LRRTM4: variants seen among roughly 807,000 people sequenced by gnomAD.
LRRTM4 encodes leucine-rich repeat transmembrane neuronal protein 4.
A neutral mutation model predicts 47.6 loss-of-function variants in LRRTM4; 25 were observed. The ratio of observed to expected loss-of-function variants is 0.53; its 90% CI spans 0.38 to 0.73. The LOEUF is 0.73. LRRTM4 is among the 30% of genes least tolerant of loss of function. LRRTM4 has a pLI of 0.00. For missense variants in LRRTM4, 638 were observed against 713.4 expected (o/e 0.89, Z 1.20); for synonymous variants, 311 against 269.5 (o/e 1.15, Z -1.51).
rs528407993 is a variant in LRRTM4, at chr2:76,778,546, G to A, written c.1552-29630C>T. On this transcript the variant is annotated intron_variant, in intron 3 of 3. Coordinates refer to ENST00000409884, the MANE Select transcript of LRRTM4 (RefSeq NM_001134745.3). ...CTTGTAGATTTTCTAGTTTATTTGC[G>A]TAGAGGTGTTTGTAGTATTCTCTGA... 1.1e-4 allele frequency among the ~76,000 whole-genome samples: 17 copies of A among 151,202 alleles called. No individual in the cohort carries two copies. In the East Asian group the frequency reaches 1.4e-3, roughly 12 times the overall value.
intron 3 of LRRTM4, among the ~76,000 whole-genome samples, chr2:77,234,992 C>T (rs1019362280): frequency 3.9e-5 from 6 of 152,164 alleles, no homozygotes; most frequent in Non-Finnish European, 7.3e-5. Flanking sequence ...ATTTAGCTTT[C>T]CATTATTGCA....
At chr2:76,751,882 T>C (rs933242090) in intron 3 of LRRTM4, among the ~76,000 whole-genome samples, 8 of 152,166 alleles carry the variant, frequency 5.3e-5, no homozygotes, top group African/African-American at 1.9e-4. Flanking sequence ...TACTCTCTTG[T>C]TAACTGGTGA....
chr2:77,519,333 T>C lies in LRRTM4; in HGVS notation c.536A>G (p.Asp179Gly). 1 of 1,613,464 alleles carries C rather than the reference T, an allele frequency of 6.2e-7. No homozygotes were observed. Among genetic ancestry groups the C allele is most frequent in the Non-Finnish European group, 8.5e-7 (1 of 1,179,590 alleles). ...LKTVPIRVFQ[D>G]CRNLDFLDLG... Reference sequence around the variant, plus strand: ...ATCCAAAAAATCAAGATTCCGACAGTCTTGAAAAACTCTTATGGGCACAGT... The same window carrying C: ...ATCCAAAAAATCAAGATTCCGACAGCCTTGAAAAACTCTTATGGGCACAGT... The change falls in exon 3 of 4, where the codon GAC becomes GGC. Residue 179 changes from aspartate to glycine, a missense_variant. Transcript: ENST00000409884. The surrounding 1 kb of genome is among the most constrained non-coding windows in gnomAD (Gnocchi z 4.6).
chr2:76,812,776 C>CCCTCCTCATCTCCCTCCCCCCTT (rs1670780314), intron 3 of LRRTM4, among the ~76,000 whole-genome samples: 1 of 85,636 alleles, frequency 1.2e-5, no homozygotes. Flanking sequence ...CTCTCCCTCC[C>CCCTCCTCATCTCCCTCCCCCCTT]CCTCCTCCTC....
chr2:77,297,402 G>A (rs1677002719), intron 3 of LRRTM4, among the ~76,000 whole-genome samples: 1 of 152,106 alleles, frequency 6.6e-6, no homozygotes, highest in South Asian at 2.1e-4. Context: ...TAGTCACTAT[G>A]CTCTATTGTG....
chr2:77,048,351 T>C (rs1679303037), intron 3 of LRRTM4, among the ~76,000 whole-genome samples: 1 of 152,078 alleles, frequency 6.6e-6, no homozygotes, highest in South Asian at 2.1e-4. Context: ...GGTGTTATAA[T>C]GAAGTTTTAG....
chr2:77,519,207 T>G lies in LRRTM4; in HGVS notation c.662A>C (p.Asn221Thr), dbSNP rs1052910070. The G allele has an allele frequency of 6.2e-7, 1 of 1,613,322 alleles. No homozygotes were observed. Among genetic ancestry groups the G allele is most frequent in the East Asian group, 2.2e-5 (1 of 44,814 alleles). Residue 221 changes from asparagine (N) to threonine (T), a missense_variant, in exon 3 of 4, where the codon AAC becomes ACC. Transcript: ENST00000409884. This position sits in a 1 kb window ranked among gnomAD's most constrained non-coding sequence, Gnocchi z 4.6. ...HLEHNQFSKI[N>T]FAHFPRLFNL... ...GAAGAGACGTGGAAAATGAGCAAAG[T>G]TGATCTTGGAAAACTGGTTGTGCTC...
rs369038674 is a variant in LRRTM4, at chr2:76,748,903, A to C, written c.1565T>G (p.Met522Arg). 1 of 1,613,790 alleles carries C rather than the reference A, an allele frequency of 6.2e-7. No individual in the cohort carries two copies. Among genetic ancestry groups the C allele is most frequent in the South Asian group, 1.1e-5 (1 of 91,082 alleles). ...GSRECEMPHH[M>R]KPLPYYSYDQ... The stretch of plus-strand genomic sequence containing the variant: ...ATAGCTGTAATATGGCAAGGGCTTC[A>C]TGTGGTGTGGCATCTGGATATGAGA... Residue 522 changes from methionine to arginine, a missense_variant, in exon 4 of 4, where the codon ATG becomes AGG. Transcript: ENST00000409884.
chr2:77,220,568 C>A (rs986477152), intron 3 of LRRTM4, among the ~76,000 whole-genome samples: 3 of 152,130 alleles, frequency 2.0e-5, no homozygotes, highest in South Asian at 4.1e-4. Flanking sequence ...GCACAAGCCT[C>A]AGTAACCGAT....
At chr2:77,226,441 T>G (rs771590921) in intron 3 of LRRTM4, among the ~76,000 whole-genome samples, 1 of 151,426 alleles carries the variant, frequency 6.6e-6, no homozygotes, top group Non-Finnish European at 1.5e-5. Flanking sequence ...ATATCCCCAT[T>G]TAAAAAGCAT....
chr2:77,156,016 T>G (rs1014706397), intron 3 of LRRTM4, among the ~76,000 whole-genome samples: 3 of 152,092 alleles, frequency 2.0e-5, no homozygotes, highest in Non-Finnish European at 2.9e-5. Flanking sequence ...ATATGTACAA[T>G]TTAAATGTGT....
intron 3 of LRRTM4, among the ~76,000 whole-genome samples, chr2:77,279,883 AATAC>A (rs1676462572): frequency 6.6e-6 from 1 of 151,954 alleles, no homozygotes; most frequent in African/African-American, 2.4e-5. Flanking sequence ...GGAAAAAAAC[AATAC>A]TTGTCTTAGA....
chr2:77,225,264 A>T (rs549336467), intron 3 of LRRTM4, among the ~76,000 whole-genome samples: 1 of 151,322 alleles, frequency 6.6e-6, no homozygotes, highest in Non-Finnish European at 1.5e-5. Flanking sequence ...CCTAATGCTA[A>T]ATGATGAGTT....
chr2:77,516,372 A>G (rs1679208425), intron 3 of LRRTM4, among the ~76,000 whole-genome samples: 1 of 151,762 alleles, frequency 6.6e-6, no homozygotes, highest in Non-Finnish European at 1.5e-5. Flanking sequence ...AATCTGTGAA[A>G]TTTAAGATCT....
intron 3 of LRRTM4, among the ~76,000 whole-genome samples, chr2:77,474,040 C>A (rs1677286430): frequency 6.6e-6 from 1 of 151,992 alleles, no homozygotes; most frequent in Non-Finnish European, 1.5e-5. Context: ...GGTTATTACA[C>A]TAAAACAGAA....
chr2:76,871,412 A>C (rs907602044), intron 3 of LRRTM4, among the ~76,000 whole-genome samples: 1 of 152,182 alleles, frequency 6.6e-6, no homozygotes, highest in African/African-American at 2.4e-5. Flanking sequence ...CCTGCATTCA[A>C]CTAGTAACTA....
At chr2:76,901,983 G>C (rs1283984059) in intron 3 of LRRTM4, among the ~76,000 whole-genome samples, 6 of 152,096 alleles carry the variant, frequency 3.9e-5, no homozygotes, top group Admixed American at 3.9e-4. Context: ...TAACATATGT[G>C]CCTCTTTGGG....
At chr2:76,759,782 G>A (rs1419776483) in intron 3 of LRRTM4, among the ~76,000 whole-genome samples, 1 of 151,828 alleles carries the variant, frequency 6.6e-6, no homozygotes, top group Non-Finnish European at 1.5e-5. Flanking sequence ...TTCTGCAATG[G>A]GCTTGAGTTT....
intron 3 of LRRTM4, among the ~76,000 whole-genome samples, chr2:77,088,625 G>GTTGC (rs1338134238): frequency 6.6e-6 from 1 of 152,134 alleles, no homozygotes; most frequent in Non-Finnish European, 1.5e-5. Flanking sequence ...AAACAGCCAT[G>GTTGC]TTGCTCACAC....
Sources: gnomAD v4.1 joint callset for allele counts (sites outside exome capture counted in the v4.1 genomes callset) on GRCh38, gnomAD v4.1.1 for gene constraint, Gnocchi (gnomAD v3.1) non-coding constraint, MANE v1.5 for transcripts, NCBI Gene and HGNC (gene_info 2026-07-23, HGNC 2026-07-21) for gene names.